DLG2: variants seen among roughly 807,000 people sequenced by gnomAD.
DLG2 encodes discs large MAGUK scaffold protein 2, also known as disks large homolog 2.
DLG2 carries 45 observed loss-of-function variants against 132.5 expected under a neutral mutation model. The observed-to-expected ratio is 0.34, with a 90% CI of 0.27 to 0.44. DLG2 has a LOEUF of 0.44. Among genes scored for constraint, DLG2 ranks in the 20% least tolerant of loss-of-function variants. The pLI is 1.00. For missense variants in DLG2, 1,045 were observed against 1,196.9 expected (o/e 0.87, Z 1.87); for synonymous variants, 424 against 419.6 (o/e 1.01, Z -0.13).
intron 5 of DLG2, among the ~76,000 whole-genome samples, chr11:85,123,161 T>C (rs2074630346): frequency 6.6e-6 from 1 of 150,910 alleles, no homozygotes; most frequent in Non-Finnish European, 1.5e-5. Context: ...GTATTTTTAG[T>C]GAAAACGGGG....
At chr11:85,540,626 C>A (rs1022033594) in intron 3 of DLG2, among the ~76,000 whole-genome samples, 1 of 152,250 alleles carries the variant, frequency 6.6e-6, no homozygotes, top group African/African-American at 2.4e-5. Flanking sequence ...ACAGAAAGCC[C>A]TCTGTCCTTG....
chr11:84,381,219 C>G (rs568605287), intron 7 of DLG2, among the ~76,000 whole-genome samples: 1 of 152,002 alleles, frequency 6.6e-6, no homozygotes, highest in East Asian at 1.9e-4. Flanking sequence ...AATATTAAAA[C>G]AGTGAATAAA....
chr11:85,613,198 A>G (rs1446956579), intron 2 of DLG2, among the ~76,000 whole-genome samples: 1 of 152,084 alleles, frequency 6.6e-6, no homozygotes, highest in East Asian at 1.9e-4. Context: ...TGTATTTTTA[A>G]CCTGCTTGTC....
intron 7 of DLG2, among the ~76,000 whole-genome samples, chr11:84,365,403 T>C (rs993368847): frequency 4.6e-5 from 7 of 151,064 alleles, no homozygotes; most frequent in Middle Eastern, 3.4e-3. Flanking sequence ...TCTTCTCTCT[T>C]TTTTTTTAAT....
intron 3 of DLG2, among the ~76,000 whole-genome samples, chr11:85,291,249 G>A (rs913435032): frequency 7.9e-5 from 12 of 152,126 alleles, no homozygotes; most frequent in African/African-American, 2.9e-4. Flanking sequence ...TGTGACTCAT[G>A]AGTTGCTCTG....
At chr11:85,546,599 T>C (rs768755085) in intron 3 of DLG2, among the ~76,000 whole-genome samples, 3 of 152,106 alleles carry the variant, frequency 2.0e-5, no homozygotes, top group Admixed American at 6.5e-5. Flanking sequence ...GGTGTTAAAG[T>C]CTCCCATTAT....
At chr11:84,399,179 G>A (rs553170759) in intron 7 of DLG2, among the ~76,000 whole-genome samples, 7 of 152,100 alleles carry the variant, frequency 4.6e-5, no homozygotes, top group African/African-American at 1.7e-4. Flanking sequence ...TGAAAATGCC[G>A]GGAATGCCTT....
At chr11:84,295,037 T>C (rs1029025961) in intron 7 of DLG2, among the ~76,000 whole-genome samples, 2 of 152,212 alleles carry the variant, frequency 1.3e-5, no homozygotes, top group Non-Finnish European at 2.9e-5. Context: ...CAATAATTAA[T>C]TTCTGAGCTG....
At chr11:84,363,717 CT>C (rs2098664869) in intron 7 of DLG2, among the ~76,000 whole-genome samples, 1 of 151,576 alleles carries the variant, frequency 6.6e-6, no homozygotes, top group Non-Finnish European at 1.5e-5. Context: ...CCAGTTTCAG[CT>C]TTCTACATAT....
At chr11:85,246,196 T>C (rs182460750) in intron 4 of DLG2, among the ~76,000 whole-genome samples, 2 of 152,062 alleles carry the variant, frequency 1.3e-5, no homozygotes, top group East Asian at 3.9e-4. Context: ...TATAAAAGTA[T>C]CAAGAAATAT....
chr11:85,127,930 C>T (rs2075317496), intron 5 of DLG2, among the ~76,000 whole-genome samples: 1 of 152,018 alleles, frequency 6.6e-6, no homozygotes, highest in Non-Finnish European at 1.5e-5. Flanking sequence ...ATTTTTAATG[C>T]CTGGCAATAA....
chr11:84,041,409 C>G (rs1247852295), intron 11 of DLG2, among the ~76,000 whole-genome samples: 1 of 151,978 alleles, frequency 6.6e-6, no homozygotes, highest in East Asian at 1.9e-4. Flanking sequence ...CCACCAGCCT[C>G]CTTCAGCTCT....
intron 18 of DLG2, chr11:83,725,434 C>T (rs2089817349): frequency 6.6e-6 from 1 of 152,492 alleles, no homozygotes; most frequent in African/African-American, 2.4e-5. Flanking sequence ...TCTGCTGGCT[C>T]CCCTTAGGCA....
At chr11:83,650,279 G>A (rs571965266) in intron 18 of DLG2, among the ~76,000 whole-genome samples, 22 of 152,144 alleles carry the variant, frequency 1.4e-4, no homozygotes, top group Non-Finnish European at 2.8e-4. Flanking sequence ...TTATATGAAT[G>A]TGTCCTAAAT....
At chr11:83,906,295 A>T (rs1322308891) in intron 15 of DLG2, among the ~76,000 whole-genome samples, 39 of 128,660 alleles carry the variant, frequency 3.0e-4, no homozygotes, top group African/African-American at 1.1e-3. Context: ...ACACACACAC[A>T]CACACACACA....
chr11:85,046,707 T>G (rs187844672), intron 6 of DLG2, among the ~76,000 whole-genome samples: 15 of 152,030 alleles, frequency 9.9e-5, no homozygotes, highest in African/African-American at 3.6e-4. Flanking sequence ...TTTTCACAAT[T>G]GATAGGTGTC....
At chr11:85,119,102 A>G (rs1032926007) in intron 5 of DLG2, among the ~76,000 whole-genome samples, 6 of 152,002 alleles carry the variant, frequency 3.9e-5, no homozygotes. Flanking sequence ...ATTAAATGAG[A>G]AAAAGTACAT....
chr11:85,433,842 C>T (rs1376980142), intron 3 of DLG2, among the ~76,000 whole-genome samples: 1 of 152,134 alleles, frequency 6.6e-6, no homozygotes, highest in East Asian at 1.9e-4. Flanking sequence ...CAGAAATCTC[C>T]ACCCCAAAAC....
At chr11:85,039,350 A>G (rs1167460897) in intron 6 of DLG2, among the ~76,000 whole-genome samples, 1 of 151,938 alleles carries the variant, frequency 6.6e-6, no homozygotes, top group East Asian at 1.9e-4. Flanking sequence ...GTAGTTGATC[A>G]GTACACGCCA....
Sources: gnomAD v4.1 joint callset for allele counts (sites outside exome capture counted in the v4.1 genomes callset) on GRCh38, gnomAD v4.1.1 for gene constraint, MANE v1.5 for transcripts, NCBI Gene and HGNC (gene_info 2026-07-23, HGNC 2026-07-21) for gene names.